Variants in UBE2E1 observed in about 807,000 individuals in gnomAD.
UBE2E1 encodes ubiquitin conjugating enzyme E2 E1.
In UBE2E1, 6 loss-of-function variants were observed where a neutral mutation model predicts 21.4. The observed-to-expected ratio is 0.28, with a 90% CI of 0.15 to 0.55. UBE2E1 has a LOEUF of 0.55. Among genes scored for constraint, UBE2E1 ranks in the 20% least tolerant of loss-of-function variants. The pLI is 0.93. For synonymous variants in UBE2E1, 87 were observed against 82.7 expected (o/e 1.05, Z -0.28); for missense variants, 142 against 236.5 (o/e 0.60, Z 2.62).
rs60267670 is a variant in UBE2E1, at chr3:23,863,607, C to T, written c.204-23960C>T. Among the ~76,000 whole-genome samples the T allele has an allele frequency of 0.04, 6,052 of 152,176 alleles. 192 individuals are homozygous for T. The highest frequency in any genetic ancestry group is 0.087 in the African/African-American group (3,626 of 41,508). On this transcript the variant is annotated intron_variant, in intron 3 of 5. Coordinates refer to ENST00000306627, the MANE Select transcript of UBE2E1 (RefSeq NM_003341.5). This position sits in a 1 kb window ranked among gnomAD's most constrained non-coding sequence, Gnocchi z 4.3. ...GTGCAGTGGCGCGATCTCAACTCAC[C>T]GCAACCTCCGCCTTCTGGGTTCAAG...
chr3:23,845,300 A>C (rs1559483230), intron 3 of UBE2E1, among the ~76,000 whole-genome samples: 1 of 152,038 alleles, frequency 6.6e-6, no homozygotes, highest in African/African-American at 2.4e-5. Flanking sequence ...TGCATTGCAC[A>C]CTCTTCAGGA....
chr3:23,890,469 T>C, intron 5 of UBE2E1, 40 bp from the exon 6 acceptor site: 2 of 1,591,944 alleles, frequency 1.3e-6, no homozygotes, highest in Non-Finnish European at 1.7e-6. Context: ...TAAAATGTTC[T>C]TTTCCTTTCT....
At chr3:23,865,455 G>A (rs1474749817) in intron 3 of UBE2E1, among the ~76,000 whole-genome samples, 1 of 152,154 alleles carries the variant, frequency 6.6e-6, no homozygotes, top group African/African-American at 2.4e-5. Flanking sequence ...CTAGGGCTCA[G>A]GTGATCCTCC....
intron 3 of UBE2E1, among the ~76,000 whole-genome samples, chr3:23,874,758 T>A (rs989670457): frequency 1.3e-5 from 2 of 152,176 alleles, no homozygotes; most frequent in Non-Finnish European, 2.9e-5. Flanking sequence ...CTTACCTACA[T>A]GTTTAATCTT....
At position 23,820,279 on chromosome 3, in the gene UBE2E1, T is replaced by A. The variant is rs1575806375; in HGVS notation, c.203+8769T>A. On this transcript the variant is annotated intron_variant, in intron 3 of 5. Coordinates refer to ENST00000306627, the MANE Select transcript of UBE2E1 (RefSeq NM_003341.5). ...TATGCTTCTAATCCTCTGGGAAACC[T>A]CCTCCTTTATAGGCTAAAAGCTCAT... 3.3e-5 allele frequency among the ~76,000 whole-genome samples: 5 copies of A among 152,296 alleles called. No homozygotes were observed. In the Middle Eastern group the frequency reaches 0.01, roughly 311 times the overall value.
At chr3:23,865,546 G>A (rs1436961695) in intron 3 of UBE2E1, among the ~76,000 whole-genome samples, 1 of 151,972 alleles carries the variant, frequency 6.6e-6, no homozygotes, top group African/African-American at 2.4e-5. Flanking sequence ...TAGAGATGAG[G>A]TCTCACAATG....
chr3:23,881,296 T>A (rs1318596191), intron 3 of UBE2E1, among the ~76,000 whole-genome samples: 4 of 152,052 alleles, frequency 2.6e-5, no homozygotes, highest in African/African-American at 9.7e-5. Context: ...TTTATTTTGA[T>A]TAGAAGAAAA....
rs572185018 is a variant in UBE2E1 at position 23,871,753 on chromosome 3, G to C, written c.204-15814G>C. On this transcript the variant is annotated intron_variant, in intron 3 of 5. Coordinates refer to ENST00000306627, the MANE Select transcript of UBE2E1 (RefSeq NM_003341.5). ...CCAGACGGGGCGGCGGGGCAAAGGC[G>C]CTCCCCACATCTCAGATGATGGGCG... Among the ~76,000 whole-genome samples, 13 of 151,104 alleles carry C rather than the reference G, an allele frequency of 8.6e-5. 1 individual carries two copies. The highest frequency in any genetic ancestry group is 3.2e-4 in the African/African-American group (13 of 41,140).
chr3:23,871,532 C>CGA (rs1408519673), intron 3 of UBE2E1, among the ~76,000 whole-genome samples: 1 of 150,990 alleles, frequency 6.6e-6, no homozygotes, highest in African/African-American at 2.4e-5. Context: ...ACCTCCCTCT[C>CGA]GGACGGGGTG....
At chr3:23,866,409 A>T (rs1048177412) in intron 3 of UBE2E1, 1 of 152,252 alleles carries the variant, frequency 6.6e-6, no homozygotes, top group Non-Finnish European at 1.5e-5. Context: ...GCCACTGTGA[A>T]CTAGAATGGA....
intron 3 of UBE2E1, among the ~76,000 whole-genome samples, chr3:23,846,358 G>GT (rs1221411145): frequency 3.9e-5 from 6 of 152,050 alleles, no homozygotes; most frequent in Admixed American, 3.9e-4. Context: ...GAGGCTAGGA[G>GT]TTTGAGTTCA....
chr3:23,841,928 C>G (rs889672680), intron 3 of UBE2E1, among the ~76,000 whole-genome samples: 14 of 152,024 alleles, frequency 9.2e-5, no homozygotes, highest in Non-Finnish European at 5.9e-5. Flanking sequence ...TGAAGGTATT[C>G]TAGGTGAGTG....
intron 3 of UBE2E1, among the ~76,000 whole-genome samples, chr3:23,826,867 A>T (rs1223646240): frequency 6.6e-6 from 1 of 152,196 alleles, no homozygotes; most frequent in Non-Finnish European, 1.5e-5. Flanking sequence ...CCTTTTTGAT[A>T]TATATGCTAT....
chr3:23,857,872 C>T (rs1700474588), intron 3 of UBE2E1, among the ~76,000 whole-genome samples: 1 of 152,188 alleles, frequency 6.6e-6, no homozygotes, highest in Non-Finnish European at 1.5e-5. Flanking sequence ...TGTTTTGAGA[C>T]AGAGTCTCGC....
intron 3 of UBE2E1, among the ~76,000 whole-genome samples, chr3:23,862,151 A>C (rs1700572866): frequency 2.0e-5 from 3 of 152,208 alleles, no homozygotes; most frequent in African/African-American, 7.2e-5. Context: ...CCCCCATCAC[A>C]CACCTGCAAG....
chr3:23,886,541 C>T (rs765553074), intron 3 of UBE2E1, among the ~76,000 whole-genome samples: 1 of 152,144 alleles, frequency 6.6e-6, no homozygotes, highest in Non-Finnish European at 1.5e-5. Context: ...AAGCTCATTC[C>T]CCTAACCTGT....
intron 3 of UBE2E1, among the ~76,000 whole-genome samples, chr3:23,867,429 C>T (rs933691734): frequency 6.6e-6 from 1 of 152,136 alleles, no homozygotes; most frequent in African/African-American, 2.4e-5. Context: ...AAATTATCAT[C>T]AACTTTGTTG....
chr3:23,866,325 A>T (rs976320530), intron 3 of UBE2E1: 4 of 152,254 alleles, frequency 2.6e-5, no homozygotes, highest in Non-Finnish European at 5.9e-5. Context: ...GCAGTGGGTG[A>T]TATTGTATCC....
intron 3 of UBE2E1, among the ~76,000 whole-genome samples, chr3:23,873,690 G>A (rs1700852376): frequency 6.6e-6 from 1 of 152,200 alleles, no homozygotes; most frequent in Non-Finnish European, 1.5e-5. Context: ...AGGTTGCAGT[G>A]AGCCAAGATG....
Sources: gnomAD v4.1 joint callset for allele counts (sites outside exome capture counted in the v4.1 genomes callset) on GRCh38, gnomAD v4.1.1 for gene constraint, Gnocchi (gnomAD v3.1) non-coding constraint, MANE v1.5 for transcripts, NCBI Gene and HGNC (gene_info 2026-07-23, HGNC 2026-07-21) for gene names.